The following SEC14L5 variants were observed in gnomAD, a reference collection of about 807,000 sequenced individuals.
SEC14L5 encodes SEC14 like lipid binding 5.
A neutral mutation model predicts 84.6 loss-of-function variants in SEC14L5; 96 were observed. That is an observed-to-expected ratio of 1.13 (90% CI 0.96 to 1.34). SEC14L5 has a LOEUF of 1.34. Among genes scored for constraint, SEC14L5 ranks in the 40% most tolerant of loss-of-function variants. The pLI, the probability that SEC14L5 is intolerant of heterozygous loss-of-function variation, is 0.00. For synonymous variants in SEC14L5, 546 were observed against 383.4 expected (o/e 1.42, Z -4.95); for missense variants, 1,224 against 942.5 (o/e 1.30, Z -3.91).
intron 15 of SEC14L5, among the ~76,000 whole-genome samples, chr16:5,014,448 A>G (rs1254101422): frequency 1.3e-5 from 2 of 152,242 alleles, no homozygotes; most frequent in African/African-American, 4.8e-5. Flanking sequence ...AGTTAACCAG[A>G]CAGCTGGGGG....
At chr16:5,012,605 T>G (rs2013059) in intron 15 of SEC14L5, among the ~76,000 whole-genome samples, 1 of 152,186 alleles carries the variant, frequency 6.6e-6, no homozygotes, top group Non-Finnish European at 1.5e-5. Flanking sequence ...TTCCACACTG[T>G]GAGAAAGAAC....
chr16:5,012,629 G>C (rs901389027), intron 15 of SEC14L5, among the ~76,000 whole-genome samples: 6 of 152,264 alleles, frequency 3.9e-5, no homozygotes, highest in Admixed American at 1.3e-4. Context: ...CTGAGGCCGG[G>C]TGTGGTGGCT....
At position 5,008,542 on chromosome 16, in the gene SEC14L5, C is replaced by A; in HGVS notation, c.1694C>A (p.Pro565Gln). The A allele has an allele frequency of 1.9e-6, 3 of 1,609,258 alleles. No homozygotes were observed. The highest frequency in any genetic ancestry group is 1.7e-6 in the Non-Finnish European group (2 of 1,178,210). The change falls in exon 14 of 16, where the codon CCG (proline) becomes CAG (glutamine). Residue 565 changes from proline to glutamine, a missense_variant. By Grantham distance (76) the Pro-to-Gln change is moderately conservative. Coordinates refer to ENST00000251170, the MANE Select transcript of SEC14L5 (RefSeq NM_014692.2). ...GCGCCCAGGCTGGGCGCCCGGGAACCGGGGACCAGGGCCAGCGGGCAGCTG... is the reference window on the plus strand; with the variant it reads ...GCGCCCAGGCTGGGCGCCCGGGAACAGGGGACCAGGGCCAGCGGGCAGCTG... Reference protein sequence around the residue: ...KQAPRLGAREPGTRASGQLID... With the variant: ...KQAPRLGAREQGTRASGQLID...
intron 2 of SEC14L5, 120 bp from the exon 3 acceptor site, chr16:4,987,437 C>G (rs1238080511): frequency 1.2e-6 from 1 of 800,928 alleles, no homozygotes; most frequent in African/African-American, 1.9e-5. Flanking sequence ...CCTGCCCCTT[C>G]CAGTGGCCAG....
chr16:5,000,842 C>T lies in SEC14L5; in HGVS notation c.1060-13C>T. ...CGAGGCGGACGTTGAGCAGCACTGTCTCTCCCTTCCAGGTTCTCTCCGTCA... is the reference window on the plus strand; with the variant it reads ...CGAGGCGGACGTTGAGCAGCACTGTTTCTCCCTTCCAGGTTCTCTCCGTCA... On this transcript the variant is annotated splice_polypyrimidine_tract_variant and intron_variant, in intron 9 of 15. Transcript: ENST00000251170. 1 of 1,598,104 alleles carries T rather than the reference C, an allele frequency of 6.3e-7. No individual in the cohort carries two copies. Among genetic ancestry groups the T allele is most frequent in the Non-Finnish European group, 8.5e-7 (1 of 1,172,330 alleles).
rs977734249 is a variant in SEC14L5, at chr16:5,019,126, A to G, written c.*4156A>G. On this transcript the variant is annotated 3_prime_UTR_variant, in exon 16 of 16. Coordinates refer to ENST00000251170, the MANE Select transcript of SEC14L5 (RefSeq NM_014692.2). ...CCCGGACTGCTTTGAATGTGCTCCA[A>G]CACGAGTTCGTAAACTTTCTTAAAA... 1 of 152,240 alleles carries G rather than the reference A, an allele frequency of 6.6e-6. No homozygotes were observed. The highest frequency in any genetic ancestry group is 1.5e-5 in the Non-Finnish European group (1 of 68,066). The allele number at this position is 152,240 out of a possible 1,614,324, so 9.4% of individuals were successfully genotyped here.
In SEC14L5 at chr16:5,018,406, C is replaced by G. The variant is rs1207259467; in HGVS notation, c.*3436C>G. On this transcript the variant is annotated 3_prime_UTR_variant, in exon 16 of 16. Coordinates refer to ENST00000251170, the MANE Select transcript of SEC14L5 (RefSeq NM_014692.2). ...TGTGGGCGGGGCGTGGTGGCTCATG[C>G]CTATAATCCCAACACTTTGGGAGGC... The G allele has an allele frequency of 1.3e-5, 2 of 152,238 alleles. No homozygotes were observed. The highest frequency in any genetic ancestry group is 4.8e-5 in the African/African-American group (2 of 41,422). The allele number at this position is 152,238 out of a possible 1,614,324, so 9.4% of individuals were successfully genotyped here. A position where few individuals can be genotyped will look rare whatever the true frequency, so the allele number is the denominator to read the frequency against.
intron 8 of SEC14L5, 56 bp from the exon 9 acceptor site, chr16:5,000,599 C>T (rs1006788093): frequency 2.9e-5 from 39 of 1,366,688 alleles, no homozygotes; most frequent in Middle Eastern, 1.8e-4. Context: ...ACCTGCCCCT[C>T]GGAAGCAGTC....
rs1264848401 is a variant in SEC14L5, at chr16:5,015,122, G to A, written c.*152G>A. ...TTGGGGTGTCTGGAGCGGATGGCAA[G>A]GATCCAGAACTGGCCTGTGGGTGGT... On this transcript the variant is annotated 3_prime_UTR_variant, in exon 16 of 16. Transcript: ENST00000251170. 9.5e-6 allele frequency: 6 copies of A among 630,834 alleles called. No individual in the cohort carries two copies. The highest frequency in any genetic ancestry group is 1.7e-5 in the Non-Finnish European group (6 of 362,820). 39.1% of individuals were successfully genotyped at this position (630,834 alleles called of 1,614,324 possible).
chr16:5,000,567 G>T (rs941001525), intron 8 of SEC14L5, 88 bp from the exon 9 acceptor site: 46 of 1,004,750 alleles, frequency 4.6e-5, no homozygotes, highest in Non-Finnish European at 6.3e-5. Context: ...CTGAGGAGGT[G>T]AAGCTCTCAC....
chr16:4,963,707 G>A (rs982323810), intron 2 of SEC14L5, among the ~76,000 whole-genome samples: 2 of 152,036 alleles, frequency 1.3e-5, no homozygotes, highest in East Asian at 1.9e-4. Flanking sequence ...AGGTTGGAGT[G>A]CAGTGATGCA....
Position 4,987,693 on chromosome 16 carries a change from G to T in SEC14L5, c.200G>T (p.Arg67Leu). 3 of 1,528,478 alleles carry T rather than the reference G, an allele frequency of 2.0e-6. No individual in the cohort carries two copies. The highest frequency in any genetic ancestry group is 2.6e-6 in the Non-Finnish European group (3 of 1,142,076). 94.7% of individuals were successfully genotyped at this position (1,528,478 alleles called of 1,614,324 possible). The change falls in exon 3 of 16, where the codon CGG becomes CTG. Residue 67 changes from arginine (R) to leucine (L), a missense_variant. Physicochemically the swap from Arg to Leu is moderately radical, Grantham distance 102. Coordinates refer to ENST00000251170, the MANE Select transcript of SEC14L5 (RefSeq NM_014692.2). ...TGCCGGCTGCGCGTGGACGCCCCGC[G>T]GCTGCTGCGGAAGGTGGGCGGCCCT... The part of the protein sequence containing the change: ...RSCRLRVDAP[R>L]LLRKIAGVEH...
At chr16:5,008,765 G>A in intron 14 of SEC14L5, 117 bp downstream of exon 14, 1 of 850,928 alleles carries the variant, frequency 1.2e-6, no homozygotes, top group Non-Finnish European at 1.9e-6. Flanking sequence ...CAGCCTCAGG[G>A]ACCCTGCAGG....
In SEC14L5 at chr16:4,967,561, C is replaced by CATTTTTTTTT. The variant is rs1568104233; in HGVS notation, c.63+8175_63+8176insATTTTTTTTT. Among the ~76,000 whole-genome samples the CATTTTTTTTT allele has an allele frequency of 5.8e-5, 5 of 86,272 alleles. 2 individuals carry two copies. The highest frequency in any genetic ancestry group is 9.0e-5 in the Non-Finnish European group (4 of 44,520). The allele number at this position is 86,272 out of a possible 152,430, so 56.6% of individuals were successfully genotyped here. ...TTCTGGCTCTGACTTTTCTTTCTTTCGTTTTTTTTTTTTTTTTTTTTTTTT... is the reference window on the plus strand; with the variant it reads ...TTCTGGCTCTGACTTTTCTTTCTTTCATTTTTTTTTGTTTTTTTTTTTTTTTTTTTTTTTT... On this transcript the variant is annotated intron_variant, in intron 2 of 15. Coordinates refer to ENST00000251170, the MANE Select transcript of SEC14L5 (RefSeq NM_014692.2).
rs747385714 is a variant in SEC14L5, at chr16:4,996,383, C to G, written c.703C>G (p.Leu235Val). The G allele has an allele frequency of 1.3e-6, 2 of 1,566,438 alleles. No homozygotes were observed. The highest frequency in any genetic ancestry group is 2.4e-5 in the East Asian group (1 of 41,814). The stretch of plus-strand genomic sequence containing the variant: ...GGATGCGGACTACATTGAGAGGTGC[C>G]TGGGCCACCTCACGCCCATGCAGGA... ...KLDADYIERC[L>V]GHLTPMQESC... The change falls in exon 7 of 16, where the codon CTG becomes GTG. Residue 235 changes from leucine to valine, a missense_variant. Coordinates refer to ENST00000251170, the MANE Select transcript of SEC14L5 (RefSeq NM_014692.2).
Position 4,987,497 on chromosome 16 carries a change from T to TGGGGGG in SEC14L5, c.64-54_64-49dup, listed in dbSNP as rs549895041. On this transcript the variant is annotated intron_variant, in intron 2 of 15. Coordinates refer to ENST00000251170, the MANE Select transcript of SEC14L5 (RefSeq NM_014692.2). Reference sequence around the variant, plus strand: ...GACACAGCAGATAAGGAGGTCGCGCTGGGGGGGGGGGTCCCTCTGCCCCCC... The same window carrying TGGGGGG: ...GACACAGCAGATAAGGAGGTCGCGCTGGGGGGGGGGGGGGGGGTCCCTCTGCCCCCC... 4.4e-6 allele frequency: 5 copies of TGGGGGG among 1,142,470 alleles called. No homozygotes were observed. The African/African-American group carries it at 9.3e-5, about 21-fold the overall frequency. 70.8% of individuals were successfully genotyped at this position (1,142,470 alleles called of 1,614,324 possible). A position where few individuals can be genotyped will look rare whatever the true frequency, so the allele number is the denominator to read the frequency against.
intron 10 of SEC14L5, among the ~76,000 whole-genome samples, chr16:5,001,168 T>C (rs1955672421): frequency 6.6e-6 from 1 of 151,652 alleles, no homozygotes; most frequent in African/African-American, 2.4e-5. Context: ...AGGACAGAGC[T>C]GGATTTGAAC....
rs766100205 is a variant in SEC14L5 at position 5,007,333 on chromosome 16, C to G, written c.1438-19C>G. The G allele has an allele frequency of 6.2e-7, 1 of 1,612,344 alleles. No individual in the cohort carries two copies. The highest frequency in any genetic ancestry group is 1.3e-5 in the African/African-American group (1 of 74,912). On this transcript the variant is annotated intron_variant, in intron 12 of 15. Transcript: ENST00000251170. ...CCTCAACTGGCCCTGACCTGCTGCC[C>G]TTTATCTCTGACCTGCAGTGTAATG...
chr16:4,996,319 T>A lies in SEC14L5; in HGVS notation c.668-29T>A, dbSNP rs772339395. The A allele has an allele frequency of 1.4e-4, 187 of 1,324,620 alleles. 1 individual carries two copies. Among genetic ancestry groups the A allele is most frequent in the Non-Finnish European group, 1.9e-4 (175 of 940,758 alleles). The allele number at this position is 1,324,620 out of a possible 1,614,324, so 82.1% of individuals were successfully genotyped here. On this transcript the variant is annotated intron_variant, in intron 6 of 15. Transcript: ENST00000251170. ...GTAAAGAGACGCAGCGTCTCCCTCT[T>A]GTCCTGAAGCTCCCCCTTCTCCTCC... is the stretch of plus-strand genomic sequence containing the variant.
Sources: gnomAD v4.1 joint callset for allele counts (sites outside exome capture counted in the v4.1 genomes callset) on GRCh38, gnomAD v4.1.1 for gene constraint, MANE v1.5 for transcripts, NCBI Gene and HGNC (gene_info 2026-07-23, HGNC 2026-07-21) for gene names.